KRT9: variants seen among roughly 807,000 people sequenced by gnomAD.
KRT9 encodes the protein keratin 9, also known as keratin, type I cytoskeletal 9.
In KRT9, 34 loss-of-function variants were observed where a neutral mutation model predicts 51.4. The observed-to-expected ratio is 0.66, with a 90% CI of 0.50 to 0.88. The LOEUF (loss-of-function observed/expected upper bound fraction) is 0.88. KRT9 is among the 40% of genes least tolerant of loss of function. The probability of loss-of-function intolerance (pLI) is 0.00; values close to 1 mark genes in which losing one functional copy is unlikely to be tolerated. For synonymous variants in KRT9, 292 were observed against 289.7 expected (o/e 1.01, Z -0.08); for missense variants, 753 against 790.3 (o/e 0.95, Z 0.57).
chr17:41,568,911 TACACACACACACACACACAC>T (rs5820419), intron 4 of KRT9, among the ~76,000 whole-genome samples: 4 of 133,838 alleles, frequency 3.0e-5, no homozygotes, highest in East Asian at 4.7e-4. Context: ...CTTTCAAACA[TACACACACACACACACACAC>T]ACACACACAC....
intron 6 of KRT9, 114 bp from the exon 7 acceptor site, chr17:41,567,864 G>C: frequency 1.3e-6 from 2 of 1,561,516 alleles, no homozygotes; most frequent in Non-Finnish European, 1.7e-6. Flanking sequence ...TTCCTTCCTG[G>C]GAGGCAGAGG....
chr17:41,566,628 A>T (rs906294351), intron 7 of KRT9, among the ~76,000 whole-genome samples: 1 of 152,202 alleles, frequency 6.6e-6, no homozygotes, highest in African/African-American at 2.4e-5. Context: ...TTACATTTTT[A>T]TTTTATAAAA....
At position 41,567,393 on chromosome 17, in the gene KRT9, G is replaced by T; in HGVS notation, c.1752C>A (p.Gly584=). Residue 584 remains glycine, a synonymous_variant, in exon 7 of 8, where the codon GGC becomes GGA. Transcript: ENST00000246662. ...GGSGSRGGSG[G]SHGGGSGFGG... ...CAAAACCACTTCCTCCACCATGGCT[G>T]CCTCCACTTCCTCCCCTGGACCCAC... The T allele has an allele frequency of 6.3e-7, 1 of 1,596,228 alleles. No individual in the cohort carries two copies. Among genetic ancestry groups the T allele is most frequent in the Non-Finnish European group, 8.5e-7 (1 of 1,170,490 alleles).
In KRT9 at chr17:41,569,448, A is replaced by G. The variant is rs755841641; in HGVS notation, c.1022T>C (p.Ile341Thr). ...CACCTGAGTCTCATATTGATTCTCGATGTCCTTTCTGTTCTTAGCAATGAG... is the reference window on the plus strand; with the variant it reads ...CACCTGAGTCTCATATTGATTCTCGGTGTCCTTTCTGTTCTTAGCAATGAG... ...EQLIAKNRKD[I>T]ENQYETQITQ... is the part of the protein sequence containing the mutation. The change falls in exon 4 of 8, where the codon ATC becomes ACC. Residue 341 changes from isoleucine to threonine, a missense_variant. By Grantham distance (89) the Ile-to-Thr change is moderately conservative. Transcript: ENST00000246662. The G allele has an allele frequency of 6.2e-7, 1 of 1,614,060 alleles. No homozygotes were observed. Among genetic ancestry groups the G allele is most frequent in the South Asian group, 1.1e-5 (1 of 91,060 alleles).
At chr17:41,568,919 C>T (rs1223236171) in intron 4 of KRT9, among the ~76,000 whole-genome samples, 1 of 123,778 alleles carries the variant, frequency 8.1e-6, no homozygotes, top group South Asian at 2.7e-4. Context: ...CATACACACA[C>T]ACACACACAC....
chr17:41,568,894 C>A (rs1906973168), intron 4 of KRT9, among the ~76,000 whole-genome samples: 1 of 147,806 alleles, frequency 6.8e-6, no homozygotes, highest in African/African-American at 2.5e-5. Context: ...TTCCAAACTT[C>A]CCCCACCTTT....
chr17:41,568,557 C>A lies in KRT9; in HGVS notation c.1121G>T (p.Arg374Leu). ...QSSAKEVTQL[R>L]HGVQELEIEL... ...AATCTCCAACTCCTGGACACCGTGC[C>A]GGAGCTGGGTCACCTCCTTGGCACT... The change falls in exon 5 of 8, where the codon CGG (arginine) becomes CTG (leucine). Residue 374 changes from arginine (R) to leucine (L), a missense_variant. This residue lies in a region of KRT9 where 507 missense variants were observed against 563.7 expected (regional missense o/e 0.90). Coordinates refer to ENST00000246662, the MANE Select transcript of KRT9 (RefSeq NM_000226.4). 6.2e-7 allele frequency: 1 copy of A among 1,614,156 alleles called. No homozygotes were observed. Among genetic ancestry groups the A allele is most frequent in the Non-Finnish European group, 8.5e-7 (1 of 1,180,014 alleles).
At position 41,569,970 on chromosome 17, in the gene KRT9, G is replaced by A; in HGVS notation, c.771C>T (p.Ile257=). The change falls in exon 3 of 8, where the codon ATC becomes ATT. Residue 257 remains isoleucine (I), a synonymous_variant. Coordinates refer to ENST00000246662, the MANE Select transcript of KRT9 (RefSeq NM_000226.4). ...QNLRQGVDAD[I]NGLRQVLDNL... is the part of the protein sequence containing the mutation. ...TGTCCAGCACCTGCCGCAGGCCATT[G>A]ATGTCAGCATCCACTCCTTGCCGCA... 1 of 1,614,178 alleles carries A rather than the reference G, an allele frequency of 6.2e-7. No homozygotes were observed. Among genetic ancestry groups the A allele is most frequent in the East Asian group, 2.2e-5 (1 of 44,882 alleles).
intron 7 of KRT9, 143 bp downstream of exon 7, chr17:41,567,090 G>C: frequency 7.4e-7 from 1 of 1,352,968 alleles, no homozygotes. Flanking sequence ...AGAACCAAGG[G>C]TAGGTCTCTG....
Position 41,567,343 on chromosome 17 carries a change from C to T in KRT9, c.1802G>A (p.Gly601Glu). ...ACTTCCACTCGCTTCTTCACCGCCTCCGTAGCTGCCTCCACTTTCACCTCC... is the reference window on the plus strand; with the variant it reads ...ACTTCCACTCGCTTCTTCACCGCCTTCGTAGCTGCCTCCACTTTCACCTCC... ...GFGGESGGSY[G>E]GGEEASGSGG... is the part of the protein sequence containing the mutation. The change falls in exon 7 of 8, where the codon GGA (glycine) becomes GAA (glutamate). Residue 601 changes from glycine (G) to glutamate (E), a missense_variant. Gly to Glu is a moderately conservative substitution (Grantham distance 98). Around this residue, in one of 3 missense-constraint regions of KRT9, gnomAD observed 507 missense variants for 563.7 expected, o/e 0.90. Transcript: ENST00000246662. 1.2e-6 allele frequency: 2 copies of T among 1,614,012 alleles called. No individual in the cohort carries two copies. The highest frequency in any genetic ancestry group is 1.6e-4 in the Middle Eastern group (1 of 6,062).
rs771887606 is a variant in KRT9 at position 41,568,306 on chromosome 17, C to T, written c.1250G>A (p.Ser417Asn). The change falls in exon 6 of 8, where the codon AGT becomes AAT. Residue 417 changes from serine to asparagine, a missense_variant. Transcript: ENST00000246662. ...GQLQMIQEQI[S>N]NLEAQITDVR... The stretch of plus-strand genomic sequence containing the variant: ...GTCAGTGATCTGGGCCTCCAAGTTA[C>T]TGATCTGCTCCTGGATCATCTGCAG... The T allele has an allele frequency of 3.7e-6, 6 of 1,614,224 alleles. No individual in the cohort carries two copies. The highest frequency in any genetic ancestry group is 2.2e-5 in the East Asian group (1 of 44,888).
chr17:41,569,518 C>A lies in KRT9; in HGVS notation c.952G>T (p.Asp318Tyr). ...ATGTCATTGAGGGTCTTGGTGAGAT[C>A]TTTGCCAGGAGCAACGTTTATCTCC... ...NVEINVAPGK[D>Y]LTKTLNDMRQ... Residue 318 changes from aspartate (D) to tyrosine (Y), a missense_variant, in exon 4 of 8, where the codon GAT becomes TAT. Physicochemically the swap from Asp to Tyr is radical, Grantham distance 160. Around this residue, in one of 3 missense-constraint regions of KRT9, gnomAD observed 507 missense variants for 563.7 expected, o/e 0.90. Transcript: ENST00000246662. 3.1e-6 allele frequency: 5 copies of A among 1,614,178 alleles called. No homozygotes were observed. Among genetic ancestry groups the A allele is most frequent in the Non-Finnish European group, 4.2e-6 (5 of 1,180,020 alleles).
chr17:41,568,707 CA>C, intron 4 of KRT9, 74 bp from the exon 5 acceptor site: 1 of 1,590,840 alleles, frequency 6.3e-7, no homozygotes, highest in Middle Eastern at 1.7e-4. Flanking sequence ...CCCCATTCAC[CA>C]GGATCTTCAC....
chr17:41,571,380 A>G lies in KRT9; in HGVS notation c.613T>C (p.Tyr205His). Residue 205 changes from tyrosine to histidine, a missense_variant, in exon 1 of 8, where the codon TAT (tyrosine) becomes CAT (histidine). Transcript: ENST00000246662. ...AAIQKNYSPY[Y>H]NTIDDLKDQI... ...TCCTTGAGATCATCAATAGTGTTAT[A>G]ATAAGGGGAGTAGTTCTTCTGGATA... 1 of 1,614,076 alleles carries G rather than the reference A, an allele frequency of 6.2e-7. No homozygotes were observed. The highest frequency in any genetic ancestry group is 8.5e-7 in the Non-Finnish European group (1 of 1,180,000).
At position 41,568,491 on chromosome 17, in the gene KRT9, A is replaced by G; in HGVS notation, c.1170+17T>C. 6.2e-7 allele frequency: 1 copy of G among 1,614,166 alleles called. No homozygotes were observed. Among genetic ancestry groups the G allele is most frequent in the Non-Finnish European group, 8.5e-7 (1 of 1,180,024 alleles). ...TGTGCCCCACCTTGGCAAAGGGTCTATAGCAGAACTACCAACCTTGCTGAG... is the reference window on the plus strand; with the variant it reads ...TGTGCCCCACCTTGGCAAAGGGTCTGTAGCAGAACTACCAACCTTGCTGAG... On this transcript the variant is annotated intron_variant, in intron 5 of 7. Coordinates refer to ENST00000246662, the MANE Select transcript of KRT9 (RefSeq NM_000226.4).
rs1349772608 is a variant in KRT9, at chr17:41,567,337, C to T, written c.1808G>A (p.Gly603Asp). The T allele has an allele frequency of 1.2e-6, 2 of 1,614,084 alleles. No homozygotes were observed. The highest frequency in any genetic ancestry group is 1.7e-6 in the Non-Finnish European group (2 of 1,179,984). The part of the protein sequence containing the change: ...GGESGGSYGG[G>D]EEASGSGGGY... ...GCCACCACTTCCACTCGCTTCTTCA[C>T]CGCCTCCGTAGCTGCCTCCACTTTC... Residue 603 changes from glycine to aspartate, a missense_variant, in exon 7 of 8, where the codon GGT (glycine) becomes GAT (aspartate). Coordinates refer to ENST00000246662, the MANE Select transcript of KRT9 (RefSeq NM_000226.4).
chr17:41,570,259 G>T, intron 1 of KRT9, 39 bp from the exon 2 acceptor site: 1 of 1,561,690 alleles, frequency 6.4e-7, no homozygotes, highest in South Asian at 1.1e-5. Flanking sequence ...TCATGCTGTG[G>T]ACCACTGCTG....
Position 41,571,811 on chromosome 17 carries a change from C to G in KRT9, c.182G>C (p.Cys61Ser), listed in dbSNP as rs1340627837. The change falls in exon 1 of 8, where the codon TGT becomes TCT. Residue 61 changes from cysteine (C) to serine (S), a missense_variant. This residue lies in a region of KRT9 where 241 missense variants were observed against 210.3 expected (regional missense o/e 1.15). Coordinates refer to ENST00000246662, the MANE Select transcript of KRT9 (RefSeq NM_000226.4). Reference sequence around the variant, plus strand: ...AAAACTGCCACCGCCTCCCCTCCCACAGACACGAGAGCTTCCCCCACCATA... The same window carrying G: ...AAAACTGCCACCGCCTCCCCTCCCAGAGACACGAGAGCTTCCCCCACCATA... The part of the protein sequence containing the change: ...SGYGGGSSRV[C>S]GRGGGGSFGY... 6.2e-6 allele frequency: 10 copies of G among 1,613,384 alleles called. No homozygotes were observed. The highest frequency in any genetic ancestry group is 8.5e-6 in the Non-Finnish European group (10 of 1,179,692).
rs767325538 is a variant in KRT9, at chr17:41,569,491, G to A, written c.979C>T (p.Arg327Cys). The A allele has an allele frequency of 1.2e-5, 20 of 1,614,006 alleles. No homozygotes were observed. The highest frequency in any genetic ancestry group is 3.3e-4 in the Middle Eastern group (2 of 6,082). The change falls in exon 4 of 8, where the codon CGT becomes TGT. Residue 327 changes from arginine (R) to cysteine (C), a missense_variant. By Grantham distance (180) the Arg-to-Cys change is radical. Transcript: ENST00000246662. ...GCAATGAGCTGCTCATACTCCTGAC[G>A]CATGTCATTGAGGGTCTTGGTGAGA... ...KDLTKTLNDMRQEYEQLIAKN... is the reference protein window; with the variant it reads ...KDLTKTLNDMCQEYEQLIAKN...
Sources: gnomAD v4.1 joint callset for allele counts (sites outside exome capture counted in the v4.1 genomes callset) on GRCh38, gnomAD v4.1.1 for gene constraint, gnomAD v4.1.1 regional missense constraint, MANE v1.5 for transcripts, NCBI Gene and HGNC (gene_info 2026-07-23, HGNC 2026-07-21) for gene names.